The following VSIG4 variants were observed in gnomAD, a reference collection of about 807,000 sequenced individuals.
The protein encoded by VSIG4 is V-set and immunoglobulin domain-containing protein 4.
Under a neutral mutation model 23.4 loss-of-function variants are expected in VSIG4, and 34 were observed. That is an observed-to-expected ratio of 1.45 (90% CI 1.10 to 1.93). VSIG4 has a LOEUF of 1.93. VSIG4 is among the 30% of genes most tolerant of loss of function. VSIG4 has a pLI of 0.00. For missense variants in VSIG4, 433 were observed against 310.8 expected (o/e 1.39, Z -2.96); for synonymous variants, 169 against 120.3 (o/e 1.41, Z -2.65).
At chrX:66,024,036 A>G (rs2147654285) in intron 6 of VSIG4, among the ~76,000 whole-genome samples, 1 of 112,423 alleles carries the variant, frequency 8.9e-6, no homozygotes, top group Non-Finnish European at 1.9e-5. Context: ...TGGGAGAAGG[A>G]GATACTCAAG....
chrX:66,039,889 C>A, intron 1 of VSIG4, 55 bp downstream of exon 1: 1 of 1,192,407 alleles, frequency 8.4e-7, no homozygotes, highest in Non-Finnish European at 1.1e-6. Context: ...AACACCAACC[C>A]TCTAGCCTTT....
In VSIG4 at chrX:66,022,339, C is replaced by T. The variant is rs201820205; in HGVS notation, c.1124G>A (p.Gly375Asp). 2 of 1,211,033 alleles carry T rather than the reference C, an allele frequency of 1.7e-6. No individual in the cohort carries two copies. Among genetic ancestry groups the T allele is most frequent in the East Asian group, 3.0e-5 (1 of 33,704 alleles). ...QEYQIIAQIN[G>D]NYARLLDTVP... is the part of the protein sequence containing the mutation. ...TGTGTCCAGCAGGCGGGCGTAGTTG[C>T]CATTGATCTGGGCGATGATCTGGTA... The change falls in exon 8 of 8, where the codon GGC becomes GAC. Residue 375 changes from glycine (G) to aspartate (D), a missense_variant. Physicochemically the swap from Gly to Asp is moderately conservative, Grantham distance 94. Transcript: ENST00000374737.
chrX:66,028,215 C>T, intron 3 of VSIG4, 103 bp from the exon 4 acceptor site: 1 of 662,131 alleles, frequency 1.5e-6, no homozygotes, highest in Admixed American at 2.5e-5. Context: ...CAGGTCCATA[C>T]TTGGACCTGC....
At chrX:66,028,150 C>G (rs775718767) in intron 3 of VSIG4, 38 bp from the exon 4 acceptor site, 1 of 1,142,207 alleles carries the variant, frequency 8.8e-7, no homozygotes, top group African/African-American at 1.8e-5. Context: ...GGACCTGGTA[C>G]CCTTTGGTGA....
intron 3 of VSIG4, among the ~76,000 whole-genome samples, chrX:66,029,644 G>A (rs1252107222): frequency 9.0e-6 from 1 of 111,568 alleles, no homozygotes; most frequent in Non-Finnish European, 1.9e-5. Context: ...GGTATAGGAA[G>A]AGAAAGAAAG....
intron 3 of VSIG4, 95 bp from the exon 4 acceptor site, chrX:66,028,207 G>T: frequency 1.3e-6 from 1 of 765,882 alleles, no homozygotes; most frequent in Non-Finnish European, 2.0e-6. Flanking sequence ...AGGCCATTCA[G>T]GTCCATACTT....
At chrX:66,037,581 A>G (rs2085628787) in intron 1 of VSIG4, among the ~76,000 whole-genome samples, 1 of 67,359 alleles carries the variant, frequency 1.5e-5, no homozygotes. Flanking sequence ...ATTATATTAT[A>G]TTACTTCCTT....
At chrX:66,038,500 C>T (rs1476287719) in intron 1 of VSIG4, among the ~76,000 whole-genome samples, 2 of 110,688 alleles carry the variant, frequency 1.8e-5, no homozygotes, top group South Asian at 3.8e-4. Context: ...CACACACACA[C>T]ACACACATGA....
At chrX:66,030,941 G>T (rs1013517987) in intron 3 of VSIG4, among the ~76,000 whole-genome samples, 1 of 111,008 alleles carries the variant, frequency 9.0e-6, no homozygotes, top group African/African-American at 3.3e-5. Context: ...GGGTGAAAGG[G>T]CTGAGAGTTC....
chrX:66,033,542 A>G lies in VSIG4; in HGVS notation c.344T>C (p.Val115Ala), dbSNP rs1330551301. 8.3e-7 allele frequency: 1 copy of G among 1,211,198 alleles called. No individual in the cohort carries two copies. The highest frequency in any genetic ancestry group is 1.1e-6 in the Non-Finnish European group (1 of 895,286). ...GTTGCCATCAGGAGTCTGCCAGGTG[A>G]CTTCACACGTGTAGTGGCTCCGGTC... ...MDDRSHYTCE[V>A]TWQTPDGNQV... Residue 115 changes from valine (V) to alanine (A), a missense_variant, in exon 2 of 8, where the codon GTC becomes GCC. Transcript: ENST00000374737.
In VSIG4 at chrX:66,032,352, A is replaced by T. The variant is rs781751340; in HGVS notation, c.694+116T>A. 127 of 959,764 alleles carry T rather than the reference A, an allele frequency of 1.3e-4. No individual in the cohort carries two copies. The African/African-American group carries it at 2.3e-3, about 17-fold the overall frequency. 79.1% of individuals were successfully genotyped at this position (959,764 alleles called of 1,213,427 possible). A position where few individuals can be genotyped will look rare whatever the true frequency, so the allele number is the denominator to read the frequency against. ...TTTTTTTCTTTGTGATTGTACAACC[A>T]TTGCCTGCTTGGGATCCTCCTCTCC... On this transcript the variant is annotated intron_variant, in intron 3 of 7. Transcript: ENST00000374737.
At chrX:66,025,217 C>T (rs997328613) in intron 5 of VSIG4, 88 bp from the exon 6 acceptor site, 24 of 621,011 alleles carry the variant, frequency 3.9e-5, no homozygotes, top group Non-Finnish European at 5.2e-5. Flanking sequence ...CTAAGCCAGG[C>T]CTTTTTCTTT....
chrX:66,037,266 TA>T (rs376701816), intron 1 of VSIG4, among the ~76,000 whole-genome samples: 1 of 2,532 alleles, frequency 3.9e-4, no homozygotes, highest in Non-Finnish European at 4.9e-4. Flanking sequence ...ATATATTATA[TA>T]ATAATATAAT....
Position 66,040,020 on chromosome X carries a change from C to G in VSIG4, c.-22G>C, listed in dbSNP as rs1354513764. On this transcript the variant is annotated 5_prime_UTR_variant, in exon 1 of 8. Transcript: ENST00000374737. ...CCATCACAGCCAGAGCTACTTCTGT[C>G]CTTTCTTCCAGCCTCCTGCTACCAA... The G allele has an allele frequency of 8.3e-7, 1 of 1,210,517 alleles. No individual in the cohort carries two copies. Among genetic ancestry groups the G allele is most frequent in the Non-Finnish European group, 1.1e-6 (1 of 894,496 alleles).
intron 3 of VSIG4, 22 bp from the exon 4 acceptor site, chrX:66,028,134 T>C (rs1473926889): frequency 1.7e-6 from 2 of 1,186,538 alleles, no homozygotes; most frequent in African/African-American, 1.8e-5. Flanking sequence ...AGGGAACCGA[T>C]TGAAGGGACC....
chrX:66,035,778 G>C (rs993074351), intron 1 of VSIG4, among the ~76,000 whole-genome samples: 1 of 112,030 alleles, frequency 8.9e-6, no homozygotes, highest in Non-Finnish European at 1.9e-5. Context: ...TCTTCCTCTG[G>C]ACTTTCCCAA....
intron 3 of VSIG4, among the ~76,000 whole-genome samples, chrX:66,030,681 A>C (rs1431422725): frequency 9.0e-6 from 1 of 111,433 alleles, no homozygotes; most frequent in Non-Finnish European, 1.9e-5. Context: ...TTTAGGAGCA[A>C]GGCTGGGGGC....
At chrX:66,032,841 C>T (rs1204714127) in intron 2 of VSIG4, 92 bp from the exon 3 acceptor site, 7 of 924,693 alleles carry the variant, frequency 7.6e-6, no homozygotes, top group East Asian at 3.3e-5. Context: ...TAAGGGCATG[C>T]ATATATCTGC....
chrX:66,022,543 C>T, intron 7 of VSIG4, 43 bp from the exon 8 acceptor site: 3 of 1,194,403 alleles, frequency 2.5e-6, no homozygotes, highest in East Asian at 6.0e-5. Flanking sequence ...GGACTTGGGG[C>T]TGTGGTCCTG....
Sources: gnomAD v4.1 joint callset for allele counts (sites outside exome capture counted in the v4.1 genomes callset) on GRCh38, gnomAD v4.1.1 for gene constraint, MANE v1.5 for transcripts, NCBI Gene and HGNC (gene_info 2026-07-23, HGNC 2026-07-21) for gene names.